The following ARSB variants were observed in gnomAD, a reference collection of about 807,000 sequenced individuals.
ARSB encodes the protein arylsulfatase B, also known as N-acetylgalactosamine-4-sulfatase.
In ARSB, 41 loss-of-function variants were observed where a neutral mutation model predicts 50.9. The observed-to-expected ratio is 0.81, with a 90% CI of 0.63 to 1.04. The LOEUF (loss-of-function observed/expected upper bound fraction) is 1.04, where lower values mean the gene tolerates loss of function less well. ARSB is among the 50% of genes least tolerant of loss of function. The probability of loss-of-function intolerance (pLI) is 0.00; values close to 1 mark genes in which losing one functional copy is unlikely to be tolerated. For synonymous variants in ARSB, 269 were observed against 284.8 expected, an observed-to-expected ratio of 0.94 and a Z score of 0.56; for missense variants, 672 against 693.3, an observed-to-expected ratio of 0.97 and a Z score of 0.35.
chr5:78,817,916 C>A (rs2112668743), intron 6 of ARSB, among the ~76,000 whole-genome samples: 1 of 152,240 alleles, frequency 6.6e-6, no homozygotes, highest in East Asian at 1.9e-4. Context: ...GAGGCCAAGG[C>A]AGGTGGATCA....
chr5:78,861,306 C>G (rs1253944932), intron 5 of ARSB, among the ~76,000 whole-genome samples: 1 of 151,856 alleles, frequency 6.6e-6, no homozygotes, highest in African/African-American at 2.4e-5. Flanking sequence ...AGAGACACAA[C>G]AAAAAAAGAG....
intron 4 of ARSB, among the ~76,000 whole-genome samples, chr5:78,930,716 G>A (rs1750284897): frequency 6.6e-6 from 1 of 152,130 alleles, no homozygotes; most frequent in Non-Finnish European, 1.5e-5. Context: ...ACAACATTTT[G>A]TTGATGCTTT....
At chr5:78,834,807 G>A (rs1045003142) in intron 6 of ARSB, among the ~76,000 whole-genome samples, 5 of 151,272 alleles carry the variant, frequency 3.3e-5, no homozygotes, top group Non-Finnish European at 5.9e-5. Flanking sequence ...CTCAGAAGTG[G>A]GATTGCTGGA....
At chr5:78,906,299 C>G (rs981404800) in intron 4 of ARSB, among the ~76,000 whole-genome samples, 1 of 152,114 alleles carries the variant, frequency 6.6e-6, no homozygotes, top group South Asian at 2.1e-4. Context: ...CACCACTGTA[C>G]TCCAGCCTGG....
At chr5:78,951,093 G>A (rs1341707578) in intron 4 of ARSB, among the ~76,000 whole-genome samples, 1 of 152,076 alleles carries the variant, frequency 6.6e-6, no homozygotes, top group Non-Finnish European at 1.5e-5. Context: ...TGGACTAATC[G>A]CTTAATTTCT....
At chr5:78,959,535 T>C (rs1751891843) in intron 3 of ARSB, among the ~76,000 whole-genome samples, 1 of 152,192 alleles carries the variant, frequency 6.6e-6, no homozygotes, top group Non-Finnish European at 1.5e-5. Context: ...GAATAAACTC[T>C]CTTTAAACTA....
At chr5:78,886,392 T>C (rs929392494) in intron 4 of ARSB, among the ~76,000 whole-genome samples, 14 of 152,222 alleles carry the variant, frequency 9.2e-5, no homozygotes. Flanking sequence ...TCTCCAGTGG[T>C]TGATAAATGT....
intron 4 of ARSB, among the ~76,000 whole-genome samples, chr5:78,937,416 G>T (rs1370118004): frequency 1.5e-5 from 2 of 132,642 alleles, no homozygotes; most frequent in East Asian, 2.1e-4. Flanking sequence ...ATATATGTAA[G>T]ATATATATAT....
chr5:78,921,519 T>G (rs1467179371), intron 4 of ARSB, among the ~76,000 whole-genome samples: 2 of 152,258 alleles, frequency 1.3e-5, no homozygotes, highest in African/African-American at 4.8e-5. Flanking sequence ...ACGGAATATC[T>G]AATTACTAAA....
chr5:78,906,151 T>C (rs898749948), intron 4 of ARSB, among the ~76,000 whole-genome samples: 1 of 145,762 alleles, frequency 6.9e-6, no homozygotes, highest in African/African-American at 2.6e-5. Flanking sequence ...ATCCAATCGC[T>C]AACCAAACAT....
intron 4 of ARSB, among the ~76,000 whole-genome samples, chr5:78,901,162 C>T (rs1748788456): frequency 6.6e-6 from 1 of 151,994 alleles, no homozygotes; most frequent in African/African-American, 2.4e-5. Context: ...TGCACTGGTC[C>T]AACCAGATAA....
At chr5:78,785,342 G>C (rs1383798911) in intron 6 of ARSB, among the ~76,000 whole-genome samples, 1 of 152,114 alleles carries the variant, frequency 6.6e-6, no homozygotes, top group South Asian at 2.1e-4. Context: ...AAGTTGTTGG[G>C]CTCAATGCTC....
At chr5:78,862,300 T>G (rs1305717774) in intron 5 of ARSB, among the ~76,000 whole-genome samples, 25 of 152,150 alleles carry the variant, frequency 1.6e-4, no homozygotes, top group Non-Finnish European at 1.5e-5. Flanking sequence ...AAAGCCCGCG[T>G]TGCCAAGACA....
chr5:78,813,432 C>T (rs1162256344), intron 6 of ARSB, among the ~76,000 whole-genome samples: 1 of 152,106 alleles, frequency 6.6e-6, no homozygotes, highest in Non-Finnish European at 1.5e-5. Flanking sequence ...ATAATCTCTA[C>T]CTGAAGTCAT....
chr5:78,908,253 A>G (rs1443884250), intron 4 of ARSB, among the ~76,000 whole-genome samples: 1 of 152,136 alleles, frequency 6.6e-6, no homozygotes, highest in Non-Finnish European at 1.5e-5. Flanking sequence ...GTGTTGTAAA[A>G]GACCTTGTGT....
chr5:78,942,703 T>G (rs1022563858), intron 4 of ARSB, among the ~76,000 whole-genome samples: 1 of 152,216 alleles, frequency 6.6e-6, no homozygotes, highest in African/African-American at 2.4e-5. Flanking sequence ...CTTCCAACTA[T>G]GTGGTCAATT....
intron 5 of ARSB, among the ~76,000 whole-genome samples, chr5:78,841,085 A>G (rs1745176914): frequency 6.6e-6 from 1 of 151,864 alleles, no homozygotes; most frequent in African/African-American, 2.4e-5. Context: ...CCTTGAGGCC[A>G]GCCAGGAGTT....
chr5:78,849,891 T>C (rs1469517783), intron 5 of ARSB, among the ~76,000 whole-genome samples: 2 of 150,782 alleles, frequency 1.3e-5, no homozygotes, highest in Admixed American at 1.3e-4. Flanking sequence ...AGAATGCTTG[T>C]GATTTTTGTA....
chr5:78,956,292 T>C (rs62377868), intron 3 of ARSB, among the ~76,000 whole-genome samples: 26,755 of 152,164 alleles, frequency 0.18, 2,401 homozygotes, highest in Middle Eastern at 0.23. Context: ...TGTAATTTCA[T>C]TTATATGAAA....
Sources: allele counts gnomAD v4.1 joint callset (sites outside exome capture counted in the v4.1 genomes callset), GRCh38; gene constraint gnomAD v4.1.1; transcripts MANE v1.5; gene names NCBI Gene and HGNC (gene_info 2026-07-23, HGNC 2026-07-21).